Variants in DNAJC12 observed in about 807,000 individuals in gnomAD.
The protein encoded by DNAJC12 is DnaJ heat shock protein family (Hsp40) member C12, also known as dnaJ homolog subfamily C member 12.
Under a neutral mutation model 28.5 loss-of-function variants are expected in DNAJC12, and 25 were observed. The ratio of observed to expected loss-of-function variants is 0.88; its 90% CI spans 0.64 to 1.22. The LOEUF is 1.22. Ranked by LOEUF, DNAJC12 falls within the 50% of genes most tolerant of loss-of-function variation. DNAJC12 has a pLI of 0.00. For missense variants in DNAJC12, 222 were observed against 231.7 expected (o/e 0.96, Z 0.27); for synonymous variants, 77 against 80.6 (o/e 0.95, Z 0.24).
At chr10:67,829,500 G>A (rs1240527178) in intron 1 of DNAJC12, among the ~76,000 whole-genome samples, 1 of 152,118 alleles carries the variant, frequency 6.6e-6, no homozygotes, top group African/African-American at 2.4e-5. Context: ...AATTAGCCGG[G>A]CGTGGTGGCG....
At chr10:67,799,858 G>A (rs1366371036) in intron 4 of DNAJC12, among the ~76,000 whole-genome samples, 6 of 142,616 alleles carry the variant, frequency 4.2e-5, no homozygotes, top group South Asian at 4.5e-4. Context: ...ACTCCAGCCT[G>A]GGCGACAGAG....
rs76931017 is a variant in DNAJC12, at chr10:67,803,068, G to A, written c.502+2515C>T. Among the ~76,000 whole-genome samples the A allele has an allele frequency of 0.031, 4,625 of 151,610 alleles. 534 individuals are homozygous for A. In the East Asian group the frequency reaches 0.42, roughly 14 times the overall value. ...TTGCCCAGGCTGGTCTCAAACTCCCGGCCTCAAGCAATCCGCCCACCTCAC... is the reference window on the plus strand; with the variant it reads ...TTGCCCAGGCTGGTCTCAAACTCCCAGCCTCAAGCAATCCGCCCACCTCAC... On this transcript the variant is annotated intron_variant, in intron 4 of 4. Transcript: ENST00000225171.
chr10:67,831,576 A>G (rs1842094040), intron 1 of DNAJC12, among the ~76,000 whole-genome samples: 1 of 152,198 alleles, frequency 6.6e-6, no homozygotes, highest in South Asian at 2.1e-4. Flanking sequence ...GCCATCTAGT[A>G]AGGCCATTTC....
rs1564863215 is a variant in DNAJC12, at chr10:67,819,690, GA to G, written c.157+3623del. ...AGAAAGAAAGAAAGAAAGAAAGAAA[GA>G]AAGAAAGGAAGGAAGGAAGGAAGGA... On this transcript the variant is annotated intron_variant, in intron 2 of 4. Transcript: ENST00000225171. 2.4e-3 allele frequency among the ~76,000 whole-genome samples: 46 copies of G among 18,798 alleles called. 2 individuals are homozygous for G. Among genetic ancestry groups the G allele is most frequent in the South Asian group, 8.6e-3 (4 of 466 alleles). 12.3% of individuals were successfully genotyped at this position (18,798 alleles called of 152,430 possible).
At chr10:67,827,099 A>G (rs1044921519) in intron 1 of DNAJC12, among the ~76,000 whole-genome samples, 2 of 151,718 alleles carry the variant, frequency 1.3e-5, no homozygotes, top group Non-Finnish European at 2.9e-5. Context: ...ACTAGAAAAC[A>G]TTCTGGGCTG....
chr10:67,823,504 C>T (rs2131808150), intron 1 of DNAJC12, 112 bp from the exon 2 acceptor site: 2 of 779,866 alleles, frequency 2.6e-6, no homozygotes, highest in East Asian at 5.0e-5. Context: ...GGAATAAGAC[C>T]AGCCTGGACA....
chr10:67,830,994 C>T (rs943941005), intron 1 of DNAJC12, among the ~76,000 whole-genome samples: 1 of 152,192 alleles, frequency 6.6e-6, no homozygotes, highest in African/African-American at 2.4e-5. Context: ...GGAGACCAGG[C>T]TGACCAACAT....
intron 2 of DNAJC12, among the ~76,000 whole-genome samples, chr10:67,819,327 G>A (rs184997098): frequency 6.6e-6 from 1 of 151,110 alleles, no homozygotes; most frequent in African/African-American, 2.4e-5. Context: ...AGAGCGAGAA[G>A]CCGTCTCAAA....
intron 1 of DNAJC12, among the ~76,000 whole-genome samples, chr10:67,826,851 A>G: frequency 7.6e-6 from 1 of 132,328 alleles, no homozygotes; most frequent in East Asian, 2.1e-4. Flanking sequence ...CTAATGATAT[A>G]TATTATATCT....
At chr10:67,833,307 G>A (rs888604586) in intron 1 of DNAJC12, among the ~76,000 whole-genome samples, 8 of 152,168 alleles carry the variant, frequency 5.3e-5, no homozygotes, top group Non-Finnish European at 7.3e-5. Context: ...TTCTCCAATG[G>A]CAGAGCTGAG....
At position 67,822,085 on chromosome 10, in the gene DNAJC12, A is replaced by G. The variant is rs754096904; in HGVS notation, c.157+1229T>C. On this transcript the variant is annotated intron_variant, in intron 2 of 4. Coordinates refer to ENST00000225171, the MANE Select transcript of DNAJC12 (RefSeq NM_021800.3). ...ATGGGGAGTGAGAACTAGGTTAAGG[A>G]TAGATTTGGGAGCCATCAAAAGAGC... Among the ~76,000 whole-genome samples, 9 of 152,294 alleles carry G rather than the reference A, an allele frequency of 5.9e-5. No individual in the cohort carries two copies. In the East Asian group the frequency reaches 1.5e-3, roughly 26 times the overall value.
chr10:67,798,853 C>A (rs1749806116), intron 4 of DNAJC12, among the ~76,000 whole-genome samples: 1 of 151,782 alleles, frequency 6.6e-6, no homozygotes, highest in Non-Finnish European at 1.5e-5. Flanking sequence ...ACAACCTCCG[C>A]CTCCCGGGTT....
chr10:67,830,830 T>G (rs1011742680), intron 1 of DNAJC12, among the ~76,000 whole-genome samples: 6 of 152,070 alleles, frequency 3.9e-5, no homozygotes, highest in Admixed American at 1.3e-4. Flanking sequence ...AGCTAATAAG[T>G]AGCACATCTA....
At chr10:67,837,379 A>C (rs1842150764) in intron 1 of DNAJC12, among the ~76,000 whole-genome samples, 1 of 152,180 alleles carries the variant, frequency 6.6e-6, no homozygotes, top group African/African-American at 2.4e-5. Flanking sequence ...TCCAGTGAAC[A>C]GCTACAGAGT....
intron 2 of DNAJC12, among the ~76,000 whole-genome samples, chr10:67,817,379 A>T (rs990597153): frequency 5.9e-5 from 9 of 152,200 alleles, no homozygotes; most frequent in Non-Finnish European, 1.2e-4. Context: ...CCACTACTCC[A>T]TCATGCTACC....
intron 1 of DNAJC12, among the ~76,000 whole-genome samples, chr10:67,835,992 A>G (rs1477746709): frequency 6.6e-6 from 1 of 152,172 alleles, no homozygotes; most frequent in Non-Finnish European, 1.5e-5. Context: ...ACAACAGCAT[A>G]ACTTCAAAAG....
chr10:67,824,949 G>C (rs1235000786), intron 1 of DNAJC12, among the ~76,000 whole-genome samples: 1 of 151,968 alleles, frequency 6.6e-6, no homozygotes, highest in South Asian at 2.1e-4. Flanking sequence ...TGGCCAGGCT[G>C]GTCTCAAACT....
At chr10:67,820,857 C>T (rs933032810) in intron 2 of DNAJC12, among the ~76,000 whole-genome samples, 1 of 140,184 alleles carries the variant, frequency 7.1e-6, no homozygotes, top group Non-Finnish European at 1.5e-5. Context: ...AAGCTCTGCT[C>T]ACCGCAACCT....
chr10:67,811,467 T>G (rs1227844259), intron 3 of DNAJC12, 57 bp downstream of exon 3: 9 of 1,610,188 alleles, frequency 5.6e-6, no homozygotes, highest in Non-Finnish European at 7.6e-6. Context: ...TACATGAGTC[T>G]AATCCATGGG....
Sources: allele counts gnomAD v4.1 joint callset (sites outside exome capture counted in the v4.1 genomes callset), GRCh38; gene constraint gnomAD v4.1.1; transcripts MANE v1.5; gene names NCBI Gene and HGNC (gene_info 2026-07-23, HGNC 2026-07-21).